MRC2: variants seen among roughly 807,000 people sequenced by gnomAD.
MRC2 encodes the protein C-type mannose receptor 2.
In MRC2, 84 loss-of-function variants were observed where a neutral mutation model predicts 206.2. That is an observed-to-expected ratio of 0.41 (90% CI 0.34 to 0.49). The LOEUF is 0.49. Ranked by LOEUF, MRC2 falls within the 20% of genes least tolerant of loss-of-function variation. MRC2 has a pLI of 0.31. For missense variants in MRC2, 1,676 were observed against 2,001.5 expected (o/e 0.84, Z 3.10); for synonymous variants, 798 against 800.0 (o/e 1.00, Z 0.04).
rs938145782 is a variant in MRC2, at chr17:62,690,181, C to T, written c.3768C>T (p.Ser1256=). The change falls in exon 26 of 30, where the codon AGC becomes AGT. Residue 1256 remains serine (S), a synonymous_variant. Transcript: ENST00000303375. ...SSGPPPPRRI[S]YHGSCPQGLA... ...GGCCCCCTCCTCCCCGAAGAATAAG[C>T]TACCATGGCAGCTGTCCCCAGGGAC... The T allele has an allele frequency of 1.2e-6, 2 of 1,609,232 alleles. No homozygotes were observed. Among genetic ancestry groups the T allele is most frequent in the Non-Finnish European group, 1.7e-6 (2 of 1,176,666 alleles).
At position 62,680,631 on chromosome 17, in the gene MRC2, G is replaced by T; in HGVS notation, c.2474-169G>T. ...CCCTGTTTGCTTCCGTGTGGGAGGC[G>T]AGGCAAGCCTGGGGCCTGGGGCCTG... On this transcript the variant is annotated intron_variant, in intron 16 of 29. Coordinates refer to ENST00000303375, the MANE Select transcript of MRC2 (RefSeq NM_006039.5). The surrounding 1 kb of genome is among the most constrained non-coding windows in gnomAD (Gnocchi z 4.8). The T allele has an allele frequency of 7.9e-7, 1 of 1,261,068 alleles. No homozygotes were observed. Among genetic ancestry groups the T allele is most frequent in the Non-Finnish European group, 1.1e-6 (1 of 932,516 alleles). 78.1% of individuals were successfully genotyped at this position (1,261,068 alleles called of 1,614,324 possible).
chr17:62,647,961 A>G (rs1042947272), intron 1 of MRC2, among the ~76,000 whole-genome samples: 1 of 152,194 alleles, frequency 6.6e-6, no homozygotes, highest in Non-Finnish European at 1.5e-5. Context: ...TACGCAGTGG[A>G]CAGGAGGAGT....
At position 62,671,929 on chromosome 17, in the gene MRC2, C is replaced by T. The variant is rs1466280847; in HGVS notation, c.1307-69C>T. 1 of 1,608,330 alleles carries T rather than the reference C, an allele frequency of 6.2e-7. No homozygotes were observed. Among genetic ancestry groups the T allele is most frequent in the African/African-American group, 1.3e-5 (1 of 74,950 alleles). ...CCAGGAGCCTCAGAGAATGTTCCTT[C>T]CTCCCTACTGGTGGCTGAGGCTGAC... On this transcript the variant is annotated intron_variant, in intron 7 of 29. Transcript: ENST00000303375. This position sits in a 1 kb window ranked among gnomAD's most constrained non-coding sequence, Gnocchi z 4.5.
rs960341741 is a variant in MRC2 at position 62,689,653 on chromosome 17, C to T, written c.3466C>T (p.Arg1156Cys). 18 of 1,598,644 alleles carry T rather than the reference C, an allele frequency of 1.1e-5. No homozygotes were observed. The Admixed American group carries it at 2.2e-4, about 20-fold the overall frequency. The change falls in exon 24 of 30, where the codon CGC (arginine) becomes TGC (cysteine). Residue 1156 changes from arginine to cysteine, a missense_variant. Arg to Cys is a radical substitution (Grantham distance 180). Transcript: ENST00000303375. ...WHDALLLCESRNASLAYVPDP... is the reference protein window; with the variant it reads ...WHDALLLCESCNASLAYVPDP... ...CGATGCCCTCCTGCTGTGTGAGAGC[C>T]GCAATGCCAGCCTGGCCTACGTGCC...
chr17:62,644,183 C>T (rs190745397), intron 1 of MRC2, among the ~76,000 whole-genome samples: 16 of 152,250 alleles, frequency 1.1e-4, no homozygotes, highest in African/African-American at 3.6e-4. Context: ...CTTTGGGAGG[C>T]TGAGGTAAGT....
In MRC2 at chr17:62,691,106, TGTC is replaced by T. The variant is rs763990501; in HGVS notation, c.4174_4176del (p.Val1392del). The T allele has an allele frequency of 6.2e-7, 1 of 1,608,240 alleles. No homozygotes were observed. Among genetic ancestry groups the T allele is most frequent in the Non-Finnish European group, 8.5e-7 (1 of 1,178,148 alleles). On this transcript the variant is annotated inframe_deletion, in exon 28 of 30. Coordinates refer to ENST00000303375, the MANE Select transcript of MRC2 (RefSeq NM_006039.5). ...GCGCTTGCACCAACATCACCATGGG[TGTC>T]GTCTGCAAGCTTCCTCGTGGTGAGC...
Position 62,632,211 on chromosome 17 carries a change from C to T in MRC2, c.118+4291C>T, listed in dbSNP as rs143169198. 2.5e-3 allele frequency among the ~76,000 whole-genome samples: 382 copies of T among 152,192 alleles called. 1 individual carries two copies. The highest frequency in any genetic ancestry group is 8.7e-3 in the African/African-American group (360 of 41,518). The stretch of plus-strand genomic sequence containing the variant: ...TGGCACCTGTGACACCGGGGTCTGC[C>T]GGGGTCCACCAGCTGCAGCCCTTTA... On this transcript the variant is annotated intron_variant, in intron 1 of 29. Coordinates refer to ENST00000303375, the MANE Select transcript of MRC2 (RefSeq NM_006039.5).
At position 62,664,969 on chromosome 17, in the gene MRC2, C is replaced by A; in HGVS notation, c.520+20C>A. On this transcript the variant is annotated intron_variant, in intron 2 of 29. Transcript: ENST00000303375. The surrounding 1 kb of genome is among the most constrained non-coding windows in gnomAD (Gnocchi z 4.7). ...ACCACGGTGAGGGGCCGCTTGCAGG[C>A]GGGAGGGTGGGGTCCCCGATGTCCA... 2.5e-6 allele frequency: 4 copies of A among 1,579,440 alleles called. No homozygotes were observed. Among genetic ancestry groups the A allele is most frequent in the Non-Finnish European group, 3.4e-6 (4 of 1,164,964 alleles).
chr17:62,631,033 G>A (rs372961362), intron 1 of MRC2, among the ~76,000 whole-genome samples: 2 of 152,132 alleles, frequency 1.3e-5, no homozygotes, highest in Admixed American at 6.6e-5. Flanking sequence ...GGTACATGGA[G>A]GGGAGGAAGA....
At chr17:62,689,484 A>T in intron 23 of MRC2, 38 bp from the exon 24 acceptor site, 2 of 1,369,064 alleles carry the variant, frequency 1.5e-6, no homozygotes, top group Non-Finnish European at 2.0e-6. Context: ...GGGTGAGGGA[A>T]GCAGAGCCCA....
intron 1 of MRC2, among the ~76,000 whole-genome samples, chr17:62,647,393 C>T (rs926750284): frequency 6.6e-6 from 1 of 151,946 alleles, no homozygotes; most frequent in Non-Finnish European, 1.5e-5. Flanking sequence ...CTATGTTGGT[C>T]AGGCTGGTCT....
rs2089064564 is a variant in MRC2 at position 62,688,836 on chromosome 17, A to T, written c.3226-16A>T. 1 of 1,597,616 alleles carries T rather than the reference A, an allele frequency of 6.3e-7. No homozygotes were observed. The highest frequency in any genetic ancestry group is 2.3e-5 in the East Asian group (1 of 44,436). Reference sequence around the variant, plus strand: ...GGCAGCTGCTGGGGCTCCCCTGAGCAGCTCCCTCCCCCCAGACCAGCTGTG... The same window carrying T: ...GGCAGCTGCTGGGGCTCCCCTGAGCTGCTCCCTCCCCCCAGACCAGCTGTG... On this transcript the variant is annotated splice_polypyrimidine_tract_variant and intron_variant, in intron 22 of 29. Transcript: ENST00000303375.
intron 9 of MRC2, among the ~76,000 whole-genome samples, chr17:62,674,730 TGTAA>T (rs1012872521): frequency 4.9e-4 from 73 of 148,982 alleles, no homozygotes; most frequent in Admixed American, 1.8e-3. Flanking sequence ...ATGAAAGCTG[TGTAA>T]GTGAGTGGGG....
rs1267806138 is a variant in MRC2, at chr17:62,679,922, T to C, written c.2298+20T>C. 6.2e-7 allele frequency: 1 copy of C among 1,602,148 alleles called. No individual in the cohort carries two copies. The highest frequency in any genetic ancestry group is 8.5e-7 in the Non-Finnish European group (1 of 1,173,902). Reference sequence around the variant, plus strand: ...GTAGGGGTGAGGGGGCCTGGGGTACTTGGGACTGCGAGGCCGGGAGCTTGG... The same window carrying C: ...GTAGGGGTGAGGGGGCCTGGGGTACCTGGGACTGCGAGGCCGGGAGCTTGG... On this transcript the variant is annotated intron_variant, in intron 14 of 29. Transcript: ENST00000303375.
rs1224555377 is a variant in MRC2, at chr17:62,652,691, T to G, written c.119-11857T>G. ...CGGCGGAGCGGGAAGTGCCACAGATTGAGGGGCGCACGGCGGTGGAGGGAG... is the reference window on the plus strand; with the variant it reads ...CGGCGGAGCGGGAAGTGCCACAGATGGAGGGGCGCACGGCGGTGGAGGGAG... On this transcript the variant is annotated intron_variant, in intron 1 of 29. Transcript: ENST00000303375. The surrounding 1 kb of genome is among the most constrained non-coding windows in gnomAD (Gnocchi z 4.6). Among the ~76,000 whole-genome samples, 1 of 142,150 alleles carries G rather than the reference T, an allele frequency of 7.0e-6. No individual in the cohort carries two copies. The highest frequency in any genetic ancestry group is 2.7e-5 in the African/African-American group (1 of 37,562). The allele number at this position is 142,150 out of a possible 152,430, so 93.3% of individuals were successfully genotyped here. A position where few individuals can be genotyped will look rare whatever the true frequency, so the allele number is the denominator to read the frequency against.
chr17:62,634,489 T>A (rs747714451), intron 1 of MRC2, among the ~76,000 whole-genome samples: 1 of 152,166 alleles, frequency 6.6e-6, no homozygotes, highest in African/African-American at 2.4e-5. Context: ...TTAGTAGAGA[T>A]GGGATTTTAC....
Position 62,679,810 on chromosome 17 carries a change from C to A in MRC2, c.2206C>A (p.Pro736Thr). The part of the protein sequence containing the change: ...MLNKIFGESE[P>T]EIHEQHWFWI... Reference sequence around the variant, plus strand: ...TGGGTTGTGCTGAAGTGAATCAGAACCCGAGATCCACGAGCAGCACTGGTT... The same window carrying A: ...TGGGTTGTGCTGAAGTGAATCAGAAACCGAGATCCACGAGCAGCACTGGTT... Residue 736 changes from proline to threonine, a missense_variant, in exon 14 of 30, where the codon CCC becomes ACC. Physicochemically the swap from Pro to Thr is conservative, Grantham distance 38. Coordinates refer to ENST00000303375, the MANE Select transcript of MRC2 (RefSeq NM_006039.5). 1 of 1,613,848 alleles carries A rather than the reference C, an allele frequency of 6.2e-7. No homozygotes were observed. The highest frequency in any genetic ancestry group is 8.5e-7 in the Non-Finnish European group (1 of 1,179,920).
At position 62,674,135 on chromosome 17, in the gene MRC2, CA is replaced by C; in HGVS notation, c.1535del (p.Gln512ArgfsTer29). The stretch of plus-strand genomic sequence containing the variant: ...CTGCAAGAAGGCAGGCCAGCTGAGC[CA>C]GGGGGCCGCCGAGGAGGACCATGGC... ...SICKKAGQLS[Q>X]GAAEEDHGCR... On this transcript the variant is annotated frameshift_variant, in exon 9 of 30. Transcript: ENST00000303375. LOFTEE classifies it high-confidence loss of function. The C allele has an allele frequency of 6.4e-7, 1 of 1,554,572 alleles. No individual in the cohort carries two copies. The highest frequency in any genetic ancestry group is 8.7e-7 in the Non-Finnish European group (1 of 1,148,748).
chr17:62,665,636 G>C (rs2088742684), intron 2 of MRC2, among the ~76,000 whole-genome samples: 1 of 152,166 alleles, frequency 6.6e-6, no homozygotes, highest in South Asian at 2.1e-4. Flanking sequence ...GTGGTGAATG[G>C]GGACCAGAGT....
Sources: gnomAD v4.1 joint callset for allele counts (sites outside exome capture counted in the v4.1 genomes callset) on GRCh38, gnomAD v4.1.1 for gene constraint, Gnocchi (gnomAD v3.1) non-coding constraint, MANE v1.5 for transcripts, NCBI Gene and HGNC (gene_info 2026-07-23, HGNC 2026-07-21) for gene names.